The following CDS2 variants were observed in gnomAD, a reference collection of about 807,000 sequenced individuals.
CDS2 encodes CDP-diacylglycerol synthase 2, also known as phosphatidate cytidylyltransferase 2.
A neutral mutation model predicts 59.0 loss-of-function variants in CDS2; 47 were observed. That is an observed-to-expected ratio of 0.80 (90% CI 0.63 to 1.02). CDS2 has a LOEUF of 1.02. CDS2 is among the 50% of genes least tolerant of loss of function. The pLI is 0.00. For synonymous variants in CDS2, 207 were observed against 206.4 expected, an observed-to-expected ratio of 1.00 and a Z score of -0.02; for missense variants, 356 against 558.9, an observed-to-expected ratio of 0.64 and a Z score of 3.66.
chr20:5,185,396 G>C (rs1485919727), intron 8 of CDS2, among the ~76,000 whole-genome samples: 1 of 152,204 alleles, frequency 6.6e-6, no homozygotes, highest in Non-Finnish European at 1.5e-5. Context: ...CTATACTCCA[G>C]CCTGGGTGAT....
At chr20:5,165,481 A>T (rs1007870995) in intron 1 of CDS2, among the ~76,000 whole-genome samples, 2 of 152,224 alleles carry the variant, frequency 1.3e-5, no homozygotes, top group African/African-American at 4.8e-5. Context: ...TGAGGAAGTC[A>T]ACATGGCTCC....
chr20:5,178,476 G>A (rs1198004127), intron 4 of CDS2, among the ~76,000 whole-genome samples: 2 of 152,166 alleles, frequency 1.3e-5, no homozygotes, highest in African/African-American at 4.8e-5. Flanking sequence ...GAGTGGAAAC[G>A]AGACTGGGGA....
chr20:5,185,625 G>A (rs1222541025), intron 8 of CDS2, 133 bp from the exon 9 acceptor site: 1 of 700,988 alleles, frequency 1.4e-6, no homozygotes, highest in Non-Finnish European at 2.5e-6. Flanking sequence ...AACCATATTT[G>A]GGGGAGCTTT....
At chr20:5,153,422 A>T (rs2090808700) in intron 1 of CDS2, among the ~76,000 whole-genome samples, 1 of 152,192 alleles carries the variant, frequency 6.6e-6, no homozygotes, top group African/African-American at 2.4e-5. Flanking sequence ...TGCTCCCCTC[A>T]GGGGAGCCAC....
At chr20:5,185,109 T>TAA (rs556162578) in intron 8 of CDS2, among the ~76,000 whole-genome samples, 164 bp downstream of exon 8, 1 of 143,154 alleles carries the variant, frequency 7.0e-6, no homozygotes, top group Non-Finnish European at 1.5e-5. Flanking sequence ...GACAACTGAT[T>TAA]AAAAAAAAAA....
chr20:5,175,458 T>G, intron 3 of CDS2, 179 bp downstream of exon 3: 1 of 555,942 alleles, frequency 1.8e-6, no homozygotes, highest in Non-Finnish European at 3.2e-6. Context: ...GGAGGGTCAT[T>G]GGTGTAGGCT....
intron 1 of CDS2, among the ~76,000 whole-genome samples, chr20:5,150,932 G>A (rs1045932896): frequency 6.6e-6 from 1 of 152,212 alleles, no homozygotes; most frequent in South Asian, 2.1e-4. Flanking sequence ...GGGGAACAAA[G>A]TAGCCAGAGA....
intron 4 of CDS2, 131 bp from the exon 5 acceptor site, chr20:5,178,686 T>C: frequency 1.3e-6 from 1 of 799,196 alleles, no homozygotes; most frequent in Non-Finnish European, 2.1e-6. Flanking sequence ...CCTGTTGCTC[T>C]GTGAGCTGTC....
rs893111691 is a variant in CDS2 at position 5,190,506 on chromosome 20, T to C, written c.*272T>C. 3.4e-5 allele frequency: 10 copies of C among 291,886 alleles called. No homozygotes were observed. The highest frequency in any genetic ancestry group is 6.4e-5 in the Non-Finnish European group (10 of 156,526). The allele number at this position is 291,886 out of a possible 1,614,324, so 18.1% of individuals were successfully genotyped here. On this transcript the variant is annotated 3_prime_UTR_variant, in exon 13 of 13. Transcript: ENST00000460006. ...GATTTTTTTAAAACAAAAGTATTAATAATCTGGAAGACAGTGTTGCCCAGG... is the reference window on the plus strand; with the variant it reads ...GATTTTTTTAAAACAAAAGTATTAACAATCTGGAAGACAGTGTTGCCCAGG...
chr20:5,131,645 A>G (rs1205789008), intron 1 of CDS2, among the ~76,000 whole-genome samples: 2 of 152,264 alleles, frequency 1.3e-5, no homozygotes, highest in East Asian at 1.9e-4. Flanking sequence ...TGGAGAGGAA[A>G]TAGTGACATC....
chr20:5,158,437 G>T (rs1231679639), intron 1 of CDS2, among the ~76,000 whole-genome samples: 2 of 152,144 alleles, frequency 1.3e-5, no homozygotes, highest in African/African-American at 4.8e-5. Context: ...CTCCCAAAGT[G>T]CTGGGATTAC....
chr20:5,181,640 C>CTCGGAAATGCATTGTTG (rs1340588261), intron 5 of CDS2, among the ~76,000 whole-genome samples: 15 of 152,272 alleles, frequency 9.9e-5, no homozygotes, highest in African/African-American at 3.6e-4. Context: ...GGGCTATGTT[C>CTCGGAAATGCATTGTTG]TCGGAAATGC....
intron 1 of CDS2, among the ~76,000 whole-genome samples, chr20:5,165,380 A>C (rs149138759): frequency 1.3e-5 from 2 of 152,172 alleles, no homozygotes; most frequent in African/African-American, 4.8e-5. Context: ...CTGCCACTTC[A>C]GCAAACCCTG....
chr20:5,129,365 C>G (rs1402042458), intron 1 of CDS2, among the ~76,000 whole-genome samples: 3 of 152,204 alleles, frequency 2.0e-5, no homozygotes, highest in Admixed American at 2.0e-4. Flanking sequence ...CAACCTCTGC[C>G]TCCCAGGTTC....
rs2091158020 is a variant in CDS2 at position 5,196,445 on chromosome 20, A to G, written c.*6211A>G. 1 of 152,236 alleles carries G rather than the reference A, an allele frequency of 6.6e-6. No individual in the cohort carries two copies. The highest frequency in any genetic ancestry group is 2.4e-5 in the African/African-American group (1 of 41,462). The allele number at this position is 152,236 out of a possible 1,614,324, so 9.4% of individuals were successfully genotyped here. ...TGCAGTGGTCTCCCGGGCATTGGGC[A>G]GGGCCTAGCCTTTTGCAGCCCCCAG... On this transcript the variant is annotated 3_prime_UTR_variant, in exon 13 of 13. Transcript: ENST00000460006.
Position 5,140,032 on chromosome 20 carries a change from C to T in CDS2, c.57+12883C>T, listed in dbSNP as rs563264127. ...GGCGAGGCTGGTCTTGAACTCCTGA[C>T]GTCAGGCGATCTGCCCACCTTGGGT... On this transcript the variant is annotated intron_variant, in intron 1 of 12. Transcript: ENST00000460006. Among the ~76,000 whole-genome samples the T allele has an allele frequency of 7.9e-5, 12 of 152,284 alleles. No individual in the cohort carries two copies. In the South Asian group the frequency reaches 8.3e-4, roughly 11 times the overall value.
At chr20:5,188,060 G>A (rs1166081716) in intron 10 of CDS2, among the ~76,000 whole-genome samples, 1 of 151,456 alleles carries the variant, frequency 6.6e-6, no homozygotes, top group Non-Finnish European at 1.5e-5. Flanking sequence ...ACGTACGTGT[G>A]TGTGTGTGTG....
In CDS2 at chr20:5,127,243, C is replaced by T. The variant is rs945713615; in HGVS notation, c.57+94C>T. 6.7e-5 allele frequency: 76 copies of T among 1,141,730 alleles called. No individual in the cohort carries two copies. In the African/African-American group the frequency reaches 1.1e-3, roughly 16 times the overall value. The allele number at this position is 1,141,730 out of a possible 1,614,324, so 70.7% of individuals were successfully genotyped here. ...GCAGAGGGGTCGTCTTGTTCTCTGA[C>T]CCTTTGTCGCAGCCGACGGCGGCCC... On this transcript the variant is annotated intron_variant, in intron 1 of 12. Coordinates refer to ENST00000460006, the MANE Select transcript of CDS2 (RefSeq NM_003818.4).
Position 5,194,081 on chromosome 20 carries a change from A to G in CDS2, c.*3847A>G, listed in dbSNP as rs781440534. ...GATGGACTCTCACTTGTGCTTTGGA[A>G]CACTGGACTCCAAAGAGCAGGTGGA... On this transcript the variant is annotated 3_prime_UTR_variant, in exon 13 of 13. Transcript: ENST00000460006. The G allele has an allele frequency of 1.3e-5, 2 of 152,256 alleles. No homozygotes were observed. The highest frequency in any genetic ancestry group is 1.5e-5 in the Non-Finnish European group (1 of 68,064). 9.4% of individuals were successfully genotyped at this position (152,256 alleles called of 1,614,324 possible). A position where few individuals can be genotyped will look rare whatever the true frequency, so the allele number is the denominator to read the frequency against.
Sources: gnomAD v4.1 joint callset for allele counts (sites outside exome capture counted in the v4.1 genomes callset) on GRCh38, gnomAD v4.1.1 for gene constraint, MANE v1.5 for transcripts, NCBI Gene and HGNC (gene_info 2026-07-23, HGNC 2026-07-21) for gene names.